Variants in IQCM observed in about 807,000 individuals in gnomAD.
IQCM encodes the protein IQ domain-containing protein M.
A neutral mutation model predicts 57.6 loss-of-function variants in IQCM; 45 were observed. The ratio of observed to expected loss-of-function variants is 0.78; its 90% confidence interval spans 0.62 to 1.00. IQCM has a LOEUF of 1.00. IQCM is among the 50% of genes least tolerant of loss of function. IQCM has a pLI of 0.00. For synonymous variants in IQCM, 148 were observed against 158.9 expected (o/e 0.93, Z 0.51); for missense variants, 468 against 511.6 (o/e 0.91, Z 0.82).
At chr4:149,422,817 C>T (rs891064730) in intron 13 of IQCM, among the ~76,000 whole-genome samples, 2 of 151,894 alleles carry the variant, frequency 1.3e-5, no homozygotes, top group African/African-American at 2.4e-5. Context: ...GCATAATATC[C>T]CACTCAAGGT....
chr4:149,523,610 A>C (rs1056196845), intron 12 of IQCM, among the ~76,000 whole-genome samples: 9 of 152,200 alleles, frequency 5.9e-5, no homozygotes, highest in African/African-American at 2.2e-4. Flanking sequence ...GACAAAGAGG[A>C]GAGCAGACAA....
In IQCM at chr4:149,698,989, A is replaced by G. The variant is rs112840782; in HGVS notation, c.386-12521T>C. Reference sequence around the variant, plus strand: ...CTGGTACATAGTAAGTACTCAATAAAATTAGTGATGTTGATGATTATAAAG... The same window carrying G: ...CTGGTACATAGTAAGTACTCAATAAGATTAGTGATGTTGATGATTATAAAG... On this transcript the variant is annotated intron_variant, in intron 5 of 13. Transcript: ENST00000636793. 6.4e-4 allele frequency among the ~76,000 whole-genome samples: 97 copies of G among 152,222 alleles called. 3 individuals carry two copies. The highest frequency in any genetic ancestry group is 2.2e-3 in the African/African-American group (91 of 41,556).
chr4:149,705,459 C>T (rs1194575755), intron 5 of IQCM, among the ~76,000 whole-genome samples: 1 of 151,466 alleles, frequency 6.6e-6, no homozygotes, highest in Non-Finnish European at 1.5e-5. Context: ...ACTGGTGTTT[C>T]TAATAACACC....
intron 8 of IQCM, among the ~76,000 whole-genome samples, chr4:149,591,109 C>T (rs2150007998): frequency 6.6e-6 from 1 of 152,124 alleles, no homozygotes; most frequent in Admixed American, 6.6e-5. Flanking sequence ...TTTCATACTC[C>T]TTTTCCCCAC....
At chr4:149,489,911 G>A (rs1384393577) in intron 12 of IQCM, among the ~76,000 whole-genome samples, 4 of 151,712 alleles carry the variant, frequency 2.6e-5, no homozygotes, top group Admixed American at 1.3e-4. Context: ...TGAAATACAA[G>A]CTATACATAA....
chr4:149,368,769 T>TAC (rs67336494), intron 13 of IQCM, among the ~76,000 whole-genome samples: 3 of 95,310 alleles, frequency 3.1e-5, no homozygotes, highest in African/African-American at 1.3e-4. Flanking sequence ...TATATATATA[T>TAC]ACATATATAT....
chr4:149,722,648 G>C (rs1765548876), intron 5 of IQCM, among the ~76,000 whole-genome samples: 1 of 151,876 alleles, frequency 6.6e-6, no homozygotes. Context: ...ATTGACTTGT[G>C]TGTCTACTTT....
intron 13 of IQCM, among the ~76,000 whole-genome samples, chr4:149,431,769 T>C (rs1579036747): frequency 6.6e-6 from 1 of 152,008 alleles, no homozygotes; most frequent in Non-Finnish European, 1.5e-5. Context: ...TTTCACTTAA[T>C]ATGATGCATT....
In IQCM at chr4:149,815,831, G is replaced by A. The variant is rs563888190; in HGVS notation, c.-318C>T. The A allele has an allele frequency of 3.3e-5, 5 of 151,844 alleles. No homozygotes were observed. The South Asian group carries it at 1.0e-3, about 32-fold the overall frequency. 9.4% of individuals were successfully genotyped at this position (151,844 alleles called of 1,614,324 possible). A position where few individuals can be genotyped will look rare whatever the true frequency, so the allele number is the denominator to read the frequency against. On this transcript the variant is annotated 5_prime_UTR_variant, in exon 1 of 14. Coordinates refer to ENST00000636793, the MANE Select transcript of IQCM (RefSeq NM_001363507.2). ...CTTCTGATTGCTTCTTCTCACATAT[G>A]CCTGTCTTCTTTGGGCATCAGAAGA...
intron 2 of IQCM, among the ~76,000 whole-genome samples, chr4:149,748,500 T>G (rs185185711): frequency 1.3e-5 from 2 of 152,322 alleles, no homozygotes; most frequent in Admixed American, 1.3e-4. Flanking sequence ...TCTTACTTTT[T>G]TTGGCTAAAA....
chr4:149,391,153 A>C (rs1731824988), intron 13 of IQCM, among the ~76,000 whole-genome samples: 1 of 151,890 alleles, frequency 6.6e-6, no homozygotes. Flanking sequence ...GAAGGGTTTT[A>C]ACTAGTAGTT....
intron 7 of IQCM, among the ~76,000 whole-genome samples, chr4:149,654,205 TCTCA>T (rs1399122912): frequency 6.6e-6 from 1 of 152,200 alleles, no homozygotes; most frequent in African/African-American, 2.4e-5. Flanking sequence ...TCTTTTCCTT[TCTCA>T]CTGTCTTCCT....
intron 5 of IQCM, among the ~76,000 whole-genome samples, chr4:149,730,192 C>T (rs535232814): frequency 3.3e-5 from 5 of 152,266 alleles, no homozygotes; most frequent in South Asian, 2.1e-4. Flanking sequence ...ACAGCTCTTC[C>T]CTGTGTCTTA....
chr4:149,605,876 T>C (rs185322293), intron 8 of IQCM, among the ~76,000 whole-genome samples: 1 of 152,102 alleles, frequency 6.6e-6, no homozygotes, highest in Non-Finnish European at 1.5e-5. Context: ...CAGAGCACTT[T>C]GTCTTGCAAC....
rs1378387218 is a variant in IQCM, at chr4:149,653,410, T to C, written c.565+28708A>G. The stretch of plus-strand genomic sequence containing the variant: ...GGTCCTGTGTGATTGCAGGGTCTCA[T>C]GCCTATGAAGCCAACCTCTCTTTCT... On this transcript the variant is annotated intron_variant, in intron 7 of 13. Transcript: ENST00000636793. 5.3e-5 allele frequency among the ~76,000 whole-genome samples: 8 copies of C among 152,318 alleles called. No individual in the cohort carries two copies. In the South Asian group the frequency reaches 8.3e-4, roughly 16 times the overall value.
chr4:149,362,238 T>A (rs1729543915), intron 13 of IQCM, among the ~76,000 whole-genome samples: 1 of 152,130 alleles, frequency 6.6e-6, no homozygotes, highest in Admixed American at 6.5e-5. Flanking sequence ...TTGCCTTATC[T>A]CAGATGAGAC....
At chr4:149,595,654 T>C (rs1450476469) in intron 8 of IQCM, among the ~76,000 whole-genome samples, 2 of 152,192 alleles carry the variant, frequency 1.3e-5, no homozygotes, top group African/African-American at 4.8e-5. Context: ...ACAGAAAAAA[T>C]GTCAATCACT....
At chr4:149,542,341 A>G (rs1747932603) in intron 12 of IQCM, among the ~76,000 whole-genome samples, 1 of 152,114 alleles carries the variant, frequency 6.6e-6, no homozygotes, top group Non-Finnish European at 1.5e-5. Context: ...GCAAGGCATT[A>G]AGCTAGCCTG....
Position 149,716,051 on chromosome 4 carries a change from AG to A in IQCM, c.385+17192del, listed in dbSNP as rs1764964940. 2.6e-5 allele frequency among the ~76,000 whole-genome samples: 4 copies of A among 152,204 alleles called. No individual in the cohort carries two copies. The South Asian group carries it at 8.3e-4, about 31-fold the overall frequency. Reference sequence around the variant, plus strand: ...AACTGGCAGCCCAGCCCCAGGCTTCAGGCCATCCCCAGCTCGAAGGTGAGGC... The same window carrying A: ...AACTGGCAGCCCAGCCCCAGGCTTCAGCCATCCCCAGCTCGAAGGTGAGGC... On this transcript the variant is annotated intron_variant, in intron 5 of 13. Coordinates refer to ENST00000636793, the MANE Select transcript of IQCM (RefSeq NM_001363507.2).
Sources: gnomAD v4.1 joint callset for allele counts (sites outside exome capture counted in the v4.1 genomes callset) on GRCh38, gnomAD v4.1.1 for gene constraint, MANE v1.5 for transcripts, NCBI Gene and HGNC (gene_info 2026-07-23, HGNC 2026-07-21) for gene names.